The following MAL variants were observed in gnomAD, a reference collection of about 807,000 sequenced individuals.
MAL encodes the protein mal, T cell differentiation protein (MAL blood group).
A neutral mutation model predicts 16.7 loss-of-function variants in MAL; 5 were observed. The observed-to-expected ratio is 0.30, with a 90% CI of 0.16 to 0.63. MAL has a LOEUF of 0.63. Ranked by LOEUF, MAL falls within the 30% of genes least tolerant of loss-of-function variation. MAL has a pLI of 0.82. For missense variants in MAL, 202 were observed against 195.8 expected (o/e 1.03, Z -0.19); for synonymous variants, 96 against 85.5 (o/e 1.12, Z -0.67).
At chr2:95,034,397 C>G (rs1674157515) in intron 1 of MAL, among the ~76,000 whole-genome samples, 1 of 152,228 alleles carries the variant, frequency 6.6e-6, no homozygotes. Context: ...TCTGCATCAC[C>G]CTGCCAGCCT....
chr2:95,034,458 G>C (rs1399133250), intron 1 of MAL, among the ~76,000 whole-genome samples: 1 of 152,234 alleles, frequency 6.6e-6, no homozygotes, highest in Non-Finnish European at 1.5e-5. Flanking sequence ...GTGACACATA[G>C]CTACATCTGC....
intron 1 of MAL, among the ~76,000 whole-genome samples, chr2:95,045,027 T>G (rs1217008874): frequency 6.6e-6 from 1 of 152,220 alleles, no homozygotes; most frequent in Non-Finnish European, 1.5e-5. Flanking sequence ...ACCTCATATG[T>G]ATTTTACAGT....
rs187711368 is a variant in MAL, at chr2:95,031,512, C to A, written c.93+5627C>A. Reference sequence around the variant, plus strand: ...GCGGACATCTCGAGGCCAGGCCACCCTCTTGATATTTTTATGGGGGATAGA... The same window carrying A: ...GCGGACATCTCGAGGCCAGGCCACCATCTTGATATTTTTATGGGGGATAGA... On this transcript the variant is annotated intron_variant, in intron 1 of 3. Coordinates refer to ENST00000309988, the MANE Select transcript of MAL (RefSeq NM_002371.4). Among the ~76,000 whole-genome samples the A allele has an allele frequency of 1.4e-4, 22 of 152,348 alleles. No homozygotes were observed. In the East Asian group the frequency reaches 4.2e-3, roughly 29 times the overall value.
At chr2:95,045,373 A>G (rs1186750482) in intron 1 of MAL, among the ~76,000 whole-genome samples, 1 of 152,168 alleles carries the variant, frequency 6.6e-6, no homozygotes. Flanking sequence ...GCTCTAGTTC[A>G]GCCACACCCA....
chr2:95,043,505 C>T (rs539423091), intron 1 of MAL, among the ~76,000 whole-genome samples: 58 of 152,322 alleles, frequency 3.8e-4, no homozygotes, highest in African/African-American at 1.1e-3. Context: ...ACAGTGACTT[C>T]GGAGGACAGC....
chr2:95,030,754 G>A (rs1252779845), intron 1 of MAL, among the ~76,000 whole-genome samples: 2 of 151,946 alleles, frequency 1.3e-5, no homozygotes, highest in Non-Finnish European at 2.9e-5. Context: ...TCAGAAACAC[G>A]AACAGAAGTG....
intron 1 of MAL, among the ~76,000 whole-genome samples, chr2:95,038,684 G>C (rs1423188593): frequency 2.0e-5 from 3 of 151,852 alleles, no homozygotes; most frequent in Admixed American, 6.6e-5. Context: ...GACTGACTGA[G>C]TGAGTGACTG....
chr2:95,046,707 A>G (rs894763161), intron 1 of MAL, among the ~76,000 whole-genome samples: 7 of 152,184 alleles, frequency 4.6e-5, no homozygotes, highest in Admixed American at 6.5e-5. Flanking sequence ...ATCCTCAGCC[A>G]TCCAAAGAGA....
At chr2:95,032,101 T>C (rs1249628274) in intron 1 of MAL, among the ~76,000 whole-genome samples, 3 of 152,230 alleles carry the variant, frequency 2.0e-5, no homozygotes, top group Admixed American at 2.0e-4. Context: ...CCAGAACTGG[T>C]GCAAAGGCAC....
chr2:95,029,764 C>T (rs888667230), intron 1 of MAL, among the ~76,000 whole-genome samples: 2 of 152,170 alleles, frequency 1.3e-5, no homozygotes, highest in Non-Finnish European at 2.9e-5. Flanking sequence ...CTTACTCAAG[C>T]CCCTTCCAAG....
At chr2:95,051,337 A>G (rs1674710326) in intron 3 of MAL, 1 of 152,216 alleles carries the variant, frequency 6.6e-6, no homozygotes, top group Non-Finnish European at 1.5e-5. Context: ...GAATTCTCAT[A>G]GAGCAAACTC....
chr2:95,029,251 TTC>T (rs925604638), intron 1 of MAL, among the ~76,000 whole-genome samples: 1 of 152,196 alleles, frequency 6.6e-6, no homozygotes, highest in African/African-American at 2.4e-5. Flanking sequence ...TGTTATCTTA[TTC>T]TCTCTCTCCC....
At chr2:95,028,152 C>CAAAA (rs898443996) in intron 1 of MAL, among the ~76,000 whole-genome samples, 18 of 39,680 alleles carry the variant, frequency 4.5e-4, no homozygotes, top group East Asian at 7.6e-4. Context: ...ACTAAAAATA[C>CAAAA]AAAAAAAAAA....
intron 1 of MAL, among the ~76,000 whole-genome samples, chr2:95,034,213 A>T (rs1435318722): frequency 6.6e-6 from 1 of 152,126 alleles, no homozygotes. Context: ...TCCTGCACAG[A>T]CACCACCTTC....
At chr2:95,046,271 C>CA (rs2104356574) in intron 1 of MAL, among the ~76,000 whole-genome samples, 1 of 152,316 alleles carries the variant, frequency 6.6e-6, no homozygotes, top group East Asian at 1.9e-4. Context: ...GCCCCATCCT[C>CA]AGCCCCCCAG....
intron 1 of MAL, among the ~76,000 whole-genome samples, chr2:95,037,017 G>A (rs1388520559): frequency 6.6e-6 from 1 of 151,812 alleles, no homozygotes; most frequent in African/African-American, 2.4e-5. Context: ...GAGTTACTGA[G>A]TGAGTGAATG....
intron 1 of MAL, among the ~76,000 whole-genome samples, chr2:95,033,834 G>T (rs1239071986): frequency 6.6e-6 from 1 of 152,094 alleles, no homozygotes; most frequent in Non-Finnish European, 1.5e-5. Context: ...AGAGGTAACT[G>T]TCACACCCAT....
intron 1 of MAL, among the ~76,000 whole-genome samples, chr2:95,046,932 A>AAGAG (rs747841744): frequency 3.1e-4 from 46 of 150,768 alleles, no homozygotes; most frequent in Non-Finnish European, 5.5e-4. Flanking sequence ...GAAAGAGAGA[A>AAGAG]AGAGAAAGAA....
rs182452000 is a variant in MAL, at chr2:95,040,607, G to A, written c.94-7352G>A. ...TGAAATAACCCTTGGCTGCTAAGAC[G>A]ACTCAGTGAGTGAATAGATTGCCAG... On this transcript the variant is annotated intron_variant, in intron 1 of 3. Transcript: ENST00000309988. 4.6e-5 allele frequency among the ~76,000 whole-genome samples: 7 copies of A among 152,258 alleles called. No individual in the cohort carries two copies. In the East Asian group the frequency reaches 1.4e-3, roughly 29 times the overall value.
Sources: gnomAD v4.1 joint callset for allele counts (sites outside exome capture counted in the v4.1 genomes callset) on GRCh38, gnomAD v4.1.1 for gene constraint, MANE v1.5 for transcripts, NCBI Gene and HGNC (gene_info 2026-07-23, HGNC 2026-07-21) for gene names.